The following FBXO6 variants were observed in gnomAD, a reference collection of about 807,000 sequenced individuals.
FBXO6 encodes F-box only protein 6.
In FBXO6, 13 loss-of-function variants were observed where a neutral mutation model predicts 25.0. That is an observed-to-expected ratio of 0.52 (90% CI 0.34 to 0.83). The LOEUF (loss-of-function observed/expected upper bound fraction) is 0.83. Ranked by LOEUF, FBXO6 falls within the 40% of genes least tolerant of loss-of-function variation. The probability of loss-of-function intolerance (pLI) is 0.02; values close to 1 mark genes in which losing one functional copy is unlikely to be tolerated. For synonymous variants in FBXO6, 138 were observed against 155.3 expected (o/e 0.89, Z 0.83); for missense variants, 370 against 380.2 (o/e 0.97, Z 0.22).
chr1:11,673,231 C>T lies in FBXO6; in HGVS notation c.510-46C>T. ...GTCCCACCTGCCCCCACCCCTGGGG[C>T]CAGCCCTCGGTGGCTTGGACACAGG... On this transcript the variant is annotated intron_variant, in intron 4 of 5. Coordinates refer to ENST00000376753, the MANE Select transcript of FBXO6 (RefSeq NM_018438.6). The surrounding 1 kb of genome is among the most constrained non-coding windows in gnomAD (Gnocchi z 4.3). The T allele has an allele frequency of 1.9e-6, 3 of 1,574,168 alleles. No individual in the cohort carries two copies. Among genetic ancestry groups the T allele is most frequent in the Non-Finnish European group, 2.6e-6 (3 of 1,159,564 alleles).
Position 11,673,775 on chromosome 1 carries a change from A to C in FBXO6, c.806A>C (p.Glu269Ala). ...PKMTRNQASS[E>A]AQPGQKHGQE... ...ATGACCAGGAACCAGGCCTCCTCCG[A>C]GGCTCAGCCTGGGCAGAAGCATGGA... The change falls in exon 6 of 6, where the codon GAG becomes GCG. Residue 269 changes from glutamate to alanine, a missense_variant. Transcript: ENST00000376753. The surrounding 1 kb of genome is among the most constrained non-coding windows in gnomAD (Gnocchi z 4.3). 6.2e-7 allele frequency: 1 copy of C among 1,614,042 alleles called. No homozygotes were observed. The highest frequency in any genetic ancestry group is 1.3e-5 in the African/African-American group (1 of 75,016).
In FBXO6 at chr1:11,673,372, C is replaced by G. The variant is rs1640682593; in HGVS notation, c.605C>G (p.Pro202Arg). The G allele has an allele frequency of 6.2e-7, 1 of 1,614,094 alleles. No homozygotes were observed. The highest frequency in any genetic ancestry group is 8.5e-7 in the Non-Finnish European group (1 of 1,180,006). ...GTGTTGGCCTCCTTCGAGCCCCCAC[C>G]TGTGACCATCCAACAGTGGAACAAT... ...YFVLASFEPP[P>R]VTIQQWNNAT... Residue 202 changes from proline to arginine, a missense_variant, in exon 5 of 6, where the codon CCT (proline) becomes CGT (arginine). Coordinates refer to ENST00000376753, the MANE Select transcript of FBXO6 (RefSeq NM_018438.6). This position sits in a 1 kb window ranked among gnomAD's most constrained non-coding sequence, Gnocchi z 4.3.
chr1:11,671,896 C>G (rs754855721), intron 3 of FBXO6, 32 bp from the exon 4 acceptor site: 2 of 1,563,422 alleles, frequency 1.3e-6, no homozygotes, highest in South Asian at 2.2e-5. Context: ...AGAGCACACC[C>G]AGGTATGCAA....
chr1:11,670,213 A>AG (rs1293119413), intron 2 of FBXO6, among the ~76,000 whole-genome samples: 128 of 110,258 alleles, frequency 1.2e-3, no homozygotes, highest in Admixed American at 2.3e-3. Context: ...ACTCCGTCTC[A>AG]AAAAAAAAAA....
Position 11,673,210 on chromosome 1 carries a change from C to A in FBXO6, c.510-67C>A. ...GCTCCGAGCTCCAATGTATAGGTCC[C>A]ACCTGCCCCCACCCCTGGGGCCAGC... On this transcript the variant is annotated intron_variant, in intron 4 of 5. Transcript: ENST00000376753. The surrounding 1 kb of genome is among the most constrained non-coding windows in gnomAD (Gnocchi z 4.3). The A allele has an allele frequency of 1.9e-6, 3 of 1,543,914 alleles. No individual in the cohort carries two copies.
rs531063634 is a variant in FBXO6 at position 11,665,781 on chromosome 1, G to A, written c.-4+1526G>A. 3.3e-5 allele frequency among the ~76,000 whole-genome samples: 5 copies of A among 151,600 alleles called. No individual in the cohort carries two copies. The South Asian group carries it at 1.0e-3, about 31-fold the overall frequency. On this transcript the variant is annotated intron_variant, in intron 1 of 5. Coordinates refer to ENST00000376753, the MANE Select transcript of FBXO6 (RefSeq NM_018438.6). Reference sequence around the variant, plus strand: ...TCGCCATATTGGCCAGGCTGGTCTCGAACTCCTGATCTTGTGATCCGCCCG... The same window carrying A: ...TCGCCATATTGGCCAGGCTGGTCTCAAACTCCTGATCTTGTGATCCGCCCG...
At position 11,670,640 on chromosome 1, in the gene FBXO6, G is replaced by C. The variant is rs991320361; in HGVS notation, c.287-626G>C. Among the ~76,000 whole-genome samples the C allele has an allele frequency of 3.2e-4, 10 of 31,706 alleles. No homozygotes were observed. The East Asian group carries it at 5.2e-3, about 17-fold the overall frequency. The allele number at this position is 31,706 out of a possible 152,430, so 20.8% of individuals were successfully genotyped here. A position where few individuals can be genotyped will look rare whatever the true frequency, so the allele number is the denominator to read the frequency against. Reference sequence around the variant, plus strand: ...TTATTTTACTTATTAAAAAAAAAAGGGGGGGGGGGTGTCGCTATGTTCCCC... The same window carrying C: ...TTATTTTACTTATTAAAAAAAAAAGCGGGGGGGGGTGTCGCTATGTTCCCC... On this transcript the variant is annotated intron_variant, in intron 2 of 5. Transcript: ENST00000376753.
chr1:11,666,835 C>T (rs1446289476), intron 1 of FBXO6, among the ~76,000 whole-genome samples: 1 of 152,112 alleles, frequency 6.6e-6, no homozygotes, highest in Non-Finnish European at 1.5e-5. Flanking sequence ...GGCCAAGCCT[C>T]TATGGAAAAT....
Position 11,671,268 on chromosome 1 carries a change from G to A in FBXO6, c.289G>A (p.Asp97Asn), listed in dbSNP as rs1335765767. ...ACCTTGGCTTCTGTTCTTCCTAGAG[G>A]ATATGTTTGCATGGCAAATTGATTT... ...NLLRNPCAEE[D>N]MFAWQIDFNG... Residue 97 changes from aspartate to asparagine, a missense_variant and splice_region_variant, in exon 3 of 6, where the codon GAT becomes AAT. Asp to Asn is a conservative substitution (Grantham distance 23). Transcript: ENST00000376753. The A allele has an allele frequency of 1.9e-6, 3 of 1,613,904 alleles. No homozygotes were observed. Among genetic ancestry groups the A allele is most frequent in the South Asian group, 1.1e-5 (1 of 91,080 alleles).
chr1:11,672,134 G>C (rs907927273), intron 4 of FBXO6, 111 bp downstream of exon 4: 80 of 986,464 alleles, frequency 8.1e-5, no homozygotes, highest in Non-Finnish European at 1.2e-4. Context: ...CAGTGCCCTG[G>C]AGCCAGGTAG....
Position 11,673,291 on chromosome 1 carries a change from C to T in FBXO6, c.524C>T (p.Ala175Val). 6.2e-7 allele frequency: 1 copy of T among 1,613,228 alleles called. No individual in the cohort carries two copies. The highest frequency in any genetic ancestry group is 2.2e-5 in the East Asian group (1 of 44,884). The change falls in exon 5 of 6, where the codon GCC becomes GTC. Residue 175 changes from alanine (A) to valine (V), a missense_variant. Transcript: ENST00000376753. This position sits in a 1 kb window ranked among gnomAD's most constrained non-coding sequence, Gnocchi z 4.3. The stretch of plus-strand genomic sequence containing the variant: ...CCCTCCACCAGGTTTGCTGCCAGAG[C>T]CGACTGTGGCTGCACCTACCAACTC... Reference protein sequence around the residue: ...IVVKDWFAARADCGCTYQLKV... With the variant: ...IVVKDWFAARVDCGCTYQLKV...
intron 1 of FBXO6, among the ~76,000 whole-genome samples, chr1:11,668,216 A>G (rs961409808): frequency 7.9e-5 from 12 of 152,200 alleles, no homozygotes; most frequent in Non-Finnish European, 1.5e-4. Flanking sequence ...CAGTCCACAC[A>G]ACCCACTGGC....
rs886812786 is a variant in FBXO6, at chr1:11,672,822, A to G, written c.510-455A>G. Among the ~76,000 whole-genome samples, 19 of 152,200 alleles carry G rather than the reference A, an allele frequency of 1.2e-4. 1 individual carries two copies. Among genetic ancestry groups the G allele is most frequent in the Admixed American group, 1.2e-3 (18 of 15,274 alleles). On this transcript the variant is annotated intron_variant, in intron 4 of 5. Coordinates refer to ENST00000376753, the MANE Select transcript of FBXO6 (RefSeq NM_018438.6). ...CCCCAGGGCTGCCACTCTGAGGATA[A>G]AGCGGTGAGGATGGAGGGGTATGCA...
At position 11,666,035 on chromosome 1, in the gene FBXO6, CTCTT is replaced by C. The variant is rs1160789614; in HGVS notation, c.-4+1782_-4+1785del. On this transcript the variant is annotated intron_variant, in intron 1 of 5. Transcript: ENST00000376753. ...TTTTCCATCAAAGCATTTTTCTTTT[CTCTT>C]TTTTTTTTTTTTTTTTTTTGAGACA... 2.0e-3 allele frequency among the ~76,000 whole-genome samples: 216 copies of C among 106,704 alleles called. 1 individual carries two copies. Among genetic ancestry groups the C allele is most frequent in the African/African-American group, 8.2e-3 (210 of 25,736 alleles). The allele number at this position is 106,704 out of a possible 152,430, so 70.0% of individuals were successfully genotyped here.
rs555493431 is a variant in FBXO6 at position 11,668,926 on chromosome 1, C to G, written c.268C>G (p.Arg90Gly). ...FLRSLHRNLL[R>G]NPCAEEDMFA... ...ACGGAGCCTGCATAGGAACCTCCTG[C>G]GCAACCCGTGTGCTGAAGGTGGCAT... Residue 90 changes from arginine (R) to glycine (G), a missense_variant, in exon 2 of 6, where the codon CGC becomes GGC. Physicochemically the swap from Arg to Gly is moderately radical, Grantham distance 125. Transcript: ENST00000376753. The G allele has an allele frequency of 6.2e-7, 1 of 1,613,848 alleles. No homozygotes were observed. Among genetic ancestry groups the G allele is most frequent in the East Asian group, 2.2e-5 (1 of 44,874 alleles).
In FBXO6 at chr1:11,673,607, C is replaced by G. The variant is rs774457347; in HGVS notation, c.646-8C>G. On this transcript the variant is annotated splice_polypyrimidine_tract_variant and splice_region_variant and intron_variant, in intron 5 of 5. Coordinates refer to ENST00000376753, the MANE Select transcript of FBXO6 (RefSeq NM_018438.6). The surrounding 1 kb of genome is among the most constrained non-coding windows in gnomAD (Gnocchi z 4.3). ...CGGTGGTCACTTCCTCTCCCTTCCT[C>G]CCAACAGGTCTCCTACACCTTCTCA... 1.9e-6 allele frequency: 3 copies of G among 1,611,388 alleles called. No individual in the cohort carries two copies. The East Asian group carries it at 6.7e-5, about 36-fold the overall frequency.
At chr1:11,669,336 G>A (rs1392125215) in intron 2 of FBXO6, among the ~76,000 whole-genome samples, 1 of 152,104 alleles carries the variant, frequency 6.6e-6, no homozygotes, top group Non-Finnish European at 1.5e-5. Context: ...GCTGGCCCAC[G>A]CCTACAATTC....
Position 11,673,670 on chromosome 1 carries a change from A to G in FBXO6, c.701A>G (p.His234Arg). 6.2e-7 allele frequency: 1 copy of G among 1,613,994 alleles called. No homozygotes were observed. Among genetic ancestry groups the G allele is most frequent in the Non-Finnish European group, 8.5e-7 (1 of 1,180,002 alleles). The change falls in exon 6 of 6, where the codon CAT becomes CGT. Residue 234 changes from histidine (H) to arginine (R), a missense_variant. By Grantham distance (29) the His-to-Arg change is conservative (BLOSUM62 0). Coordinates refer to ENST00000376753, the MANE Select transcript of FBXO6 (RefSeq NM_018438.6). The surrounding 1 kb of genome is among the most constrained non-coding windows in gnomAD (Gnocchi z 4.3). ...PRGVRYILFQ[H>R]GGRDTQYWAG... ...GGTGTCCGCTACATCCTCTTCCAGC[A>G]TGGGGGCAGGGACACCCAGTACTGG...
chr1:11,667,017 G>T (rs1640457291), intron 1 of FBXO6, among the ~76,000 whole-genome samples: 2 of 152,034 alleles, frequency 1.3e-5, no homozygotes, highest in Admixed American at 6.5e-5. Context: ...TGTGGTGGCG[G>T]GCACCTGTAA....
Sources: allele counts gnomAD v4.1 joint callset (sites outside exome capture counted in the v4.1 genomes callset), GRCh38; gene constraint gnomAD v4.1.1; non-coding constraint Gnocchi (gnomAD v3.1); transcripts MANE v1.5; gene names NCBI Gene and HGNC (gene_info 2026-07-23, HGNC 2026-07-21).